Variants in RBFOX1 observed in about 807,000 individuals in gnomAD.
The protein encoded by RBFOX1 is RNA binding fox-1 homolog 1.
In RBFOX1, 8 loss-of-function variants were observed where a neutral mutation model predicts 57.7. The ratio of observed to expected loss-of-function variants is 0.14; its 90% CI spans 0.08 to 0.25. The LOEUF (loss-of-function observed/expected upper bound fraction) is 0.25, where lower values mean the gene tolerates loss of function less well. Among genes scored for constraint, RBFOX1 ranks in the 10% least tolerant of loss-of-function variants. RBFOX1 has a pLI of 1.00. For synonymous variants in RBFOX1, 326 were observed against 222.4 expected, an observed-to-expected ratio of 1.47 and a Z score of -4.15; for missense variants, 611 against 548.5, an observed-to-expected ratio of 1.11 and a Z score of -1.14.
chr16:7,704,968 C>T (rs964177673), intron 14 of RBFOX1, among the ~76,000 whole-genome samples: 11 of 150,832 alleles, frequency 7.3e-5, no homozygotes, highest in South Asian at 4.2e-4. Context: ...CGCTTGAACC[C>T]AGAAGGCAGA....
At chr16:6,321,337 GC>G (rs1315494560) in intron 2 of RBFOX1, among the ~76,000 whole-genome samples, 1 of 152,134 alleles carries the variant, frequency 6.6e-6, no homozygotes, top group African/African-American at 2.4e-5. Flanking sequence ...AAATACAGGG[GC>G]TAGGTCAGAA....
intron 4 of RBFOX1, among the ~76,000 whole-genome samples, chr16:7,488,587 C>CATCT (rs2066046127): frequency 1.3e-5 from 2 of 152,024 alleles, no homozygotes; most frequent in Non-Finnish European, 2.9e-5. Context: ...ATTCTGACAT[C>CATCT]GTCTATCTAT....
chr16:7,662,404 C>T (rs946134529), intron 12 of RBFOX1, among the ~76,000 whole-genome samples: 5 of 152,150 alleles, frequency 3.3e-5, no homozygotes, highest in Admixed American at 6.6e-5. Context: ...AGACTCCTCC[C>T]GACCCATTAT....
chr16:6,773,941 G>T, intron 3 of RBFOX1: 4 of 985,348 alleles, frequency 4.1e-6, no homozygotes, highest in Middle Eastern at 5.2e-4. Context: ...GTGTTTGTGT[G>T]TGTGCACACG....
chr16:5,506,867 T>A (rs933211286), intron 2 of RBFOX1, among the ~76,000 whole-genome samples: 2 of 152,184 alleles, frequency 1.3e-5, no homozygotes, highest in Non-Finnish European at 2.9e-5. Flanking sequence ...CCTTTTAGCA[T>A]TTTGATACCC....
At chr16:7,208,625 T>A (rs1603190573) in intron 4 of RBFOX1, among the ~76,000 whole-genome samples, 1 of 151,894 alleles carries the variant, frequency 6.6e-6, no homozygotes, top group Non-Finnish European at 1.5e-5. Flanking sequence ...TGCTTCAGGG[T>A]AAGAGTTTCA....
intron 3 of RBFOX1, among the ~76,000 whole-genome samples, chr16:6,800,675 A>C (rs576122592): frequency 6.6e-6 from 1 of 152,250 alleles, no homozygotes; most frequent in African/African-American, 2.4e-5. Flanking sequence ...TTGCCTTTTA[A>C]ATCACTGGAG....
intron 2 of RBFOX1, among the ~76,000 whole-genome samples, chr16:5,540,624 C>A (rs4427802): frequency 0.74 from 111,985 of 152,008 alleles, 41,696 homozygotes; most frequent in East Asian, 0.99. Context: ...AATCACCTGA[C>A]GCGTTTGTTA....
At chr16:7,319,537 C>T (rs1230440571) in intron 4 of RBFOX1, among the ~76,000 whole-genome samples, 2 of 152,120 alleles carry the variant, frequency 1.3e-5, no homozygotes, top group Non-Finnish European at 2.9e-5. Context: ...TGGCATGGCT[C>T]TGCAGCAGTG....
At chr16:7,517,756 C>G (rs183265109) in intron 4 of RBFOX1, among the ~76,000 whole-genome samples, 72 of 151,438 alleles carry the variant, frequency 4.8e-4, no homozygotes, top group Middle Eastern at 3.4e-3. Flanking sequence ...AATCAAGGTT[C>G]TGCTGTCACT....
intron 3 of RBFOX1, among the ~76,000 whole-genome samples, chr16:6,802,591 C>T (rs1051049071): frequency 3.3e-5 from 5 of 152,282 alleles, no homozygotes; most frequent in Non-Finnish European, 2.9e-5. Context: ...GCAGGAGAAT[C>T]GCTTGAACCT....
chr16:5,908,131 T>C lies in RBFOX1; in HGVS notation c.351+40796T>C, dbSNP rs922457422. 6.0e-5 allele frequency among the ~76,000 whole-genome samples: 8 copies of C among 133,058 alleles called. 1 individual carries two copies. Among genetic ancestry groups the C allele is most frequent in the African/African-American group, 2.9e-4 (8 of 27,478 alleles). 87.3% of individuals were successfully genotyped at this position (133,058 alleles called of 152,430 possible). A position where few individuals can be genotyped will look rare whatever the true frequency, so the allele number is the denominator to read the frequency against. On this transcript the variant is annotated intron_variant, in intron 4 of 19. Coordinates refer to the RBFOX1 transcript ENST00000641259. ...ATATACACATATATACACATATATA[T>C]ATACACATATATACACATATATACA...
chr16:6,942,056 C>G (rs536260226), intron 3 of RBFOX1, among the ~76,000 whole-genome samples: 15 of 152,160 alleles, frequency 9.9e-5, no homozygotes, highest in South Asian at 2.1e-4. Flanking sequence ...TGGTGAAACC[C>G]CATCTTTACT....
chr16:6,722,133 G>A (rs1182912284), intron 3 of RBFOX1, among the ~76,000 whole-genome samples: 2 of 152,224 alleles, frequency 1.3e-5, no homozygotes, highest in South Asian at 2.1e-4. Context: ...ATCTCTCTGG[G>A]ACCCTGCTTT....
chr16:7,195,794 C>T (rs1021181923), intron 4 of RBFOX1, among the ~76,000 whole-genome samples: 3 of 152,182 alleles, frequency 2.0e-5, no homozygotes, highest in African/African-American at 7.2e-5. Flanking sequence ...CTCAGGTAAT[C>T]TGCCTGCCTC....
intron 3 of RBFOX1, among the ~76,000 whole-genome samples, chr16:6,703,008 G>T (rs2062094382): frequency 6.6e-6 from 1 of 152,186 alleles, no homozygotes; most frequent in Non-Finnish European, 1.5e-5. Context: ...TATCTAAGTG[G>T]AATCATATGG....
chr16:6,610,760 A>G (rs942345456), intron 2 of RBFOX1, among the ~76,000 whole-genome samples: 2 of 152,202 alleles, frequency 1.3e-5, no homozygotes, highest in Non-Finnish European at 2.9e-5. Context: ...CCATGATAAC[A>G]TCACCAACAA....
chr16:7,616,968 C>T (rs1037407780), intron 10 of RBFOX1, among the ~76,000 whole-genome samples: 2 of 150,956 alleles, frequency 1.3e-5, no homozygotes, highest in African/African-American at 4.9e-5. Context: ...CTGCTAGAAT[C>T]CACCCTTCCC....
chr16:7,296,661 C>A (rs929517053), intron 4 of RBFOX1, among the ~76,000 whole-genome samples: 5 of 152,194 alleles, frequency 3.3e-5, no homozygotes, highest in Non-Finnish European at 5.9e-5. Context: ...CATATGGCTG[C>A]TTTTGCTGCA....
Sources: allele counts gnomAD v4.1 joint callset (sites outside exome capture counted in the v4.1 genomes callset), GRCh38; gene constraint gnomAD v4.1.1; transcripts MANE v1.5; gene names NCBI Gene and HGNC (gene_info 2026-07-23, HGNC 2026-07-21).